KCNMA1: variants seen among roughly 807,000 people sequenced by gnomAD.
KCNMA1 encodes the protein potassium calcium-activated channel subfamily M alpha 1, also known as Calcium-activated potassium channel subunit alpha-1.
In KCNMA1, 29 loss-of-function variants were observed where a neutral mutation model predicts 140.0. That is an observed-to-expected ratio of 0.21 (90% CI 0.15 to 0.28). KCNMA1 has a LOEUF of 0.28. Ranked by LOEUF, KCNMA1 falls within the 10% of genes least tolerant of loss-of-function variation. The probability of loss-of-function intolerance (pLI) is 1.00; values close to 1 mark genes in which losing one functional copy is unlikely to be tolerated. For missense variants in KCNMA1, 880 were observed against 1,602.2 expected, an observed-to-expected ratio of 0.55 and a Z score of 7.70; for synonymous variants, 612 against 611.9, an observed-to-expected ratio of 1.00 and a Z score of 0.00.
chr10:77,268,426 ATGAG>A lies in KCNMA1; in HGVS notation c.541-17174_541-17171del, dbSNP rs1215985485. ...TTTCCATGCTGCTAGTGGTCTGCTG[ATGAG>A]TAAGTGTTGTTTTTTTAAGGCCTTG... On this transcript the variant is annotated intron_variant, in intron 2 of 27. Coordinates refer to ENST00000286628, the MANE Select transcript of KCNMA1 (RefSeq NM_001161352.2). 2.0e-5 allele frequency among the ~76,000 whole-genome samples: 3 copies of A among 152,054 alleles called. No homozygotes were observed. The East Asian group carries it at 5.8e-4, about 29-fold the overall frequency.
intron 1 of KCNMA1, among the ~76,000 whole-genome samples, chr10:77,523,103 T>C (rs931261012): frequency 6.6e-6 from 1 of 152,034 alleles, no homozygotes; most frequent in African/African-American, 2.4e-5. Flanking sequence ...CTATCTTTCA[T>C]TGTAGCAAGA....
At chr10:77,547,338 C>A (rs919738392) in intron 1 of KCNMA1, among the ~76,000 whole-genome samples, 4 of 152,220 alleles carry the variant, frequency 2.6e-5, no homozygotes, top group Non-Finnish European at 5.9e-5. Flanking sequence ...ACAGGCTTGG[C>A]TCAATGAACA....
chr10:77,171,229 C>A (rs995082943), intron 5 of KCNMA1, among the ~76,000 whole-genome samples: 8 of 152,128 alleles, frequency 5.3e-5, no homozygotes, highest in Admixed American at 5.2e-4. Flanking sequence ...TGGAACACCC[C>A]AAATCTGTAA....
chr10:76,911,697 C>G (rs898428225), intron 24 of KCNMA1: 2 of 152,274 alleles, frequency 1.3e-5, no homozygotes, highest in Middle Eastern at 6.8e-3. Context: ...ATGAAAATAC[C>G]CAGCTTCCCT....
At chr10:77,270,795 C>T (rs533431013) in intron 2 of KCNMA1, among the ~76,000 whole-genome samples, 16 of 152,024 alleles carry the variant, frequency 1.1e-4, no homozygotes, top group African/African-American at 1.7e-4. Flanking sequence ...CTGGCCCAAG[C>T]GCTCTTTTTA....
At chr10:77,292,153 T>C (rs2073478776) in intron 2 of KCNMA1, among the ~76,000 whole-genome samples, 1 of 152,182 alleles carries the variant, frequency 6.6e-6, no homozygotes, top group Non-Finnish European at 1.5e-5. Context: ...TTCATCCTCC[T>C]CTGGGCAGGG....
intron 2 of KCNMA1, among the ~76,000 whole-genome samples, chr10:77,370,685 T>C (rs1158447159): frequency 6.6e-6 from 1 of 152,192 alleles, no homozygotes; most frequent in African/African-American, 2.4e-5. Context: ...GTAGATGACC[T>C]ATCCAAGTTC....
chr10:76,910,131 G>T, intron 24 of KCNMA1, 35 bp from the exon 25 acceptor site: 1 of 1,611,926 alleles, frequency 6.2e-7, no homozygotes, highest in South Asian at 1.1e-5. Flanking sequence ...TAGCTCTGAA[G>T]ACCACACACA....
At chr10:77,324,940 ACTCTCTCTCTCT>A (rs3068755) in intron 2 of KCNMA1, among the ~76,000 whole-genome samples, 2,860 of 93,448 alleles carry the variant, frequency 0.031, 62 homozygotes, top group East Asian at 0.053. Context: ...ATAGCTCTAG[ACTCTCTCTCTCT>A]CTCTCTCTCT....
intron 3 of KCNMA1, among the ~76,000 whole-genome samples, chr10:77,227,221 A>T (rs1423545324): frequency 6.6e-6 from 1 of 152,218 alleles, no homozygotes; most frequent in Non-Finnish European, 1.5e-5. Flanking sequence ...CTGCTTTTTT[A>T]AAAATACAAT....
chr10:76,901,470 G>A lies in KCNMA1; in HGVS notation c.3147+8496C>T, dbSNP rs374448384. The A allele has an allele frequency of 3.9e-5, 6 of 152,286 alleles. 1 individual carries two copies. In the Middle Eastern group the frequency reaches 0.014, roughly 345 times the overall value. 9.4% of individuals were successfully genotyped at this position (152,286 alleles called of 1,614,324 possible). A position where few individuals can be genotyped will look rare whatever the true frequency, so the allele number is the denominator to read the frequency against. On this transcript the variant is annotated intron_variant, in intron 25 of 27. Coordinates refer to ENST00000286628, the MANE Select transcript of KCNMA1 (RefSeq NM_001161352.2). ...TGATAAATCTAGAAGGTCAGGCTGG[G>A]AGGTTATTGTTTTGTCAAATCTTTG...
Position 76,930,813 on chromosome 10 carries a change from A to G in KCNMA1, c.2902+13960T>C, listed in dbSNP as rs558113793. Reference sequence around the variant, plus strand: ...TATAATGGAATATTATTCAGCCATAAAAAAGAAAGAAATTCTGTCATTCAA... The same window carrying G: ...TATAATGGAATATTATTCAGCCATAGAAAAGAAAGAAATTCTGTCATTCAA... On this transcript the variant is annotated intron_variant, in intron 23 of 27. Coordinates refer to ENST00000286628, the MANE Select transcript of KCNMA1 (RefSeq NM_001161352.2). Among the ~76,000 whole-genome samples, 8 of 152,356 alleles carry G rather than the reference A, an allele frequency of 5.3e-5. No individual in the cohort carries two copies. In the South Asian group the frequency reaches 1.7e-3, roughly 32 times the overall value.
At chr10:77,007,846 TC>T (rs1421337514) in intron 18 of KCNMA1, among the ~76,000 whole-genome samples, 1 of 151,780 alleles carries the variant, frequency 6.6e-6, no homozygotes, top group Non-Finnish European at 1.5e-5. Flanking sequence ...CTAATCAGTG[TC>T]CCTTAAAAGT....
intron 25 of KCNMA1, chr10:76,903,971 TGAAAGAGA>T (rs2046704215): frequency 6.6e-6 from 1 of 152,110 alleles, no homozygotes; most frequent in Non-Finnish European, 1.5e-5. Context: ...TGTGTGTTCA[TGAAAGAGA>T]GAAAGAGAGA....
intron 3 of KCNMA1, among the ~76,000 whole-genome samples, chr10:77,220,840 T>C (rs2049384075): frequency 6.6e-6 from 1 of 152,182 alleles, no homozygotes; most frequent in Non-Finnish European, 1.5e-5. Flanking sequence ...AACCAGAGCT[T>C]CTGGGGTTCT....
At chr10:76,919,505 A>G (rs181678711) in intron 23 of KCNMA1, among the ~76,000 whole-genome samples, 9 of 152,270 alleles carry the variant, frequency 5.9e-5, no homozygotes, top group Non-Finnish European at 1.0e-4. Context: ...TATACTGTAT[A>G]AGAACTTTAG....
intron 2 of KCNMA1, among the ~76,000 whole-genome samples, chr10:77,362,262 C>T (rs1427321853): frequency 6.6e-6 from 1 of 152,038 alleles, no homozygotes; most frequent in Non-Finnish European, 1.5e-5. Flanking sequence ...CCCTTCCCTG[C>T]ACCCCCAAGA....
At chr10:76,979,150 CAA>C (rs1364549822) in intron 19 of KCNMA1, among the ~76,000 whole-genome samples, 1 of 152,166 alleles carries the variant, frequency 6.6e-6, no homozygotes, top group African/African-American at 2.4e-5. Flanking sequence ...AAATCTAACA[CAA>C]GACTTATTTC....
In KCNMA1 at chr10:77,301,621, T is replaced by C. The variant is rs544979419; in HGVS notation, c.541-50365A>G. Among the ~76,000 whole-genome samples, 7 of 152,026 alleles carry C rather than the reference T, an allele frequency of 4.6e-5. No homozygotes were observed. In the South Asian group the frequency reaches 1.5e-3, roughly 32 times the overall value. On this transcript the variant is annotated intron_variant, in intron 2 of 27. Coordinates refer to ENST00000286628, the MANE Select transcript of KCNMA1 (RefSeq NM_001161352.2). ...GATACAGTCCATCAAATCATACACA[T>C]GACTCATTTCACCAACCACGAAGAT...
Sources: allele counts gnomAD v4.1 joint callset (sites outside exome capture counted in the v4.1 genomes callset), GRCh38; gene constraint gnomAD v4.1.1; transcripts MANE v1.5; gene names NCBI Gene and HGNC (gene_info 2026-07-23, HGNC 2026-07-21).